Variants in MTMR10 observed in about 807,000 individuals in gnomAD.
MTMR10 encodes myotubularin-related protein 10.
In MTMR10, 56 loss-of-function variants were observed where a neutral mutation model predicts 88.1. That is an observed-to-expected ratio of 0.64 (90% confidence interval 0.51 to 0.79). The LOEUF (loss-of-function observed/expected upper bound fraction) is 0.79. MTMR10 is among the 30% of genes least tolerant of loss of function. The probability of loss-of-function intolerance (pLI) is 0.00; values close to 1 mark genes in which losing one functional copy is unlikely to be tolerated. For synonymous variants in MTMR10, 380 were observed against 340.9 expected, an observed-to-expected ratio of 1.11 and a Z score of -1.26; for missense variants, 883 against 924.7, an observed-to-expected ratio of 0.95 and a Z score of 0.58.
chr15:30,930,446 A>C, the MTMR10 span: 1 of 1,423,760 alleles, frequency 7.0e-7, no homozygotes, highest in Non-Finnish European at 9.4e-7. Flanking sequence ...ACTGAATTAC[A>C]TATACACTGA....
At chr15:30,945,875 G>A (rs925886704) in intron 14 of MTMR10, among the ~76,000 whole-genome samples, 3 of 152,156 alleles carry the variant, frequency 2.0e-5, no homozygotes, top group Non-Finnish European at 4.4e-5. Flanking sequence ...TGCAATCTCT[G>A]CCTCCTGGGC....
the MTMR10 span, among the ~76,000 whole-genome samples, chr15:30,933,836 C>T: frequency 2.0e-5 from 3 of 152,138 alleles, no homozygotes; most frequent in South Asian, 6.2e-4. Flanking sequence ...TCCTGGATCG[C>T]TGCAGCCTTG....
At chr15:30,945,898 C>A (rs949795197) in intron 14 of MTMR10, among the ~76,000 whole-genome samples, 3 of 152,196 alleles carry the variant, frequency 2.0e-5, no homozygotes, top group Admixed American at 6.5e-5. Context: ...AAGCCATCCT[C>A]CCACCTCAGC....
the MTMR10 span, chr15:30,927,688 T>A: frequency 2.0e-6 from 2 of 985,558 alleles, no homozygotes; most frequent in Non-Finnish European, 2.4e-6. Context: ...GGTCAGCACC[T>A]CCTCTGGCCA....
chr15:30,974,260 A>C, intron 5 of MTMR10, 54 bp downstream of exon 5: 1 of 1,344,768 alleles, frequency 7.4e-7, no homozygotes, highest in Non-Finnish European at 9.7e-7. Context: ...TACGGAATTG[A>C]AATCAGTAAA....
At chr15:30,928,619 T>C in the MTMR10 span, 5 of 1,613,484 alleles carry the variant, frequency 3.1e-6, no homozygotes, top group Admixed American at 6.7e-5. Flanking sequence ...ATCATCTTCA[T>C]GGATGGGATT....
At chr15:30,933,777 T>A in the MTMR10 span, among the ~76,000 whole-genome samples, 8 of 151,998 alleles carry the variant, frequency 5.3e-5, no homozygotes, top group African/African-American at 1.9e-4. Context: ...TTTTGTTTTT[T>A]GAGACAGACT....
At chr15:30,963,130 A>G (rs1356780881) in intron 6 of MTMR10, among the ~76,000 whole-genome samples, 1 of 152,212 alleles carries the variant, frequency 6.6e-6, no homozygotes, top group Admixed American at 6.5e-5. Context: ...TGAAAATTAA[A>G]TAAAATTAAA....
In MTMR10 at chr15:30,940,734, T is replaced by C; in HGVS notation, c.*736A>G. 1.0e-6 allele frequency: 1 copy of C among 989,832 alleles called. No individual in the cohort carries two copies. Among genetic ancestry groups the C allele is most frequent in the Non-Finnish European group, 1.2e-6 (1 of 832,808 alleles). 61.3% of individuals were successfully genotyped at this position (989,832 alleles called of 1,614,324 possible). The stretch of plus-strand genomic sequence containing the variant: ...ATGAAGCTTAGTATGAAAAGCCTAT[T>C]TCAAATATGCAATGGGATTTTCCCA... On this transcript the variant is annotated 3_prime_UTR_variant, in exon 16 of 16. Coordinates refer to ENST00000435680, the MANE Select transcript of MTMR10 (RefSeq NM_017762.3).
At chr15:30,922,155 C>A in the MTMR10 span, 2 of 1,502,064 alleles carry the variant, frequency 1.3e-6, no homozygotes, top group Non-Finnish European at 9.0e-7. Flanking sequence ...TAGGCTTTAC[C>A]AATCCTATGG....
At chr15:30,926,163 A>T in the MTMR10 span, among the ~76,000 whole-genome samples, 1 of 152,212 alleles carries the variant, frequency 6.6e-6, no homozygotes, top group Non-Finnish European at 1.5e-5. Context: ...TTTCTTTTAT[A>T]AAAACTTATA....
Position 30,990,838 on chromosome 15 carries a change from C to G in MTMR10, c.61-1G>C. Reference sequence around the variant, plus strand: ...GTTCCGAATTGATCTTATCGTCAGTCTGAAATACATTAGCAAAATAAATCA... The same window carrying G: ...GTTCCGAATTGATCTTATCGTCAGTGTGAAATACATTAGCAAAATAAATCA... On this transcript the variant is annotated splice_acceptor_variant, in intron 1 of 15. Transcript: ENST00000435680. LOFTEE classifies it high-confidence loss of function. 6.3e-7 allele frequency: 1 copy of G among 1,599,652 alleles called. No individual in the cohort carries two copies. The highest frequency in any genetic ancestry group is 8.5e-7 in the Non-Finnish European group (1 of 1,172,394).
chr15:30,990,914 C>G lies in MTMR10; in HGVS notation c.61-77G>C, dbSNP rs550829862. Reference sequence around the variant, plus strand: ...AAAATGCTACAGCAAATGTTGTTTTCTAAGTGATGACACATGCGAAAGACA... The same window carrying G: ...AAAATGCTACAGCAAATGTTGTTTTGTAAGTGATGACACATGCGAAAGACA... On this transcript the variant is annotated intron_variant, in intron 1 of 15. Transcript: ENST00000435680. 12 of 1,270,698 alleles carry G rather than the reference C, an allele frequency of 9.4e-6. No individual in the cohort carries two copies. The African/African-American group carries it at 1.5e-4, about 16-fold the overall frequency. The allele number at this position is 1,270,698 out of a possible 1,614,324, so 78.7% of individuals were successfully genotyped here.
chr15:30,933,011 C>T, the MTMR10 span, among the ~76,000 whole-genome samples: 62,782 of 151,758 alleles, frequency 0.41, 14,309 homozygotes, highest in East Asian at 0.85. Context: ...TGAGCCACCG[C>T]ACACGGCCAT....
chr15:30,973,615 C>G (rs1019229670), intron 5 of MTMR10, among the ~76,000 whole-genome samples: 2 of 152,104 alleles, frequency 1.3e-5, no homozygotes, highest in Non-Finnish European at 2.9e-5. Flanking sequence ...CCCATACACA[C>G]GCGCAAGCTT....
At chr15:30,976,482 T>C (rs2030159972) in intron 3 of MTMR10, among the ~76,000 whole-genome samples, 1 of 152,228 alleles carries the variant, frequency 6.6e-6, no homozygotes, top group East Asian at 1.9e-4. Context: ...ATTTATAAAA[T>C]CATTTAGCAA....
intron 6 of MTMR10, among the ~76,000 whole-genome samples, chr15:30,961,574 GCT>G (rs1191247483): frequency 1.3e-5 from 2 of 152,118 alleles, no homozygotes; most frequent in African/African-American, 4.8e-5. Context: ...TCCTTATCCA[GCT>G]CTTTCACAAC....
chr15:30,956,808 A>G (rs2063333854), intron 9 of MTMR10, among the ~76,000 whole-genome samples: 1 of 151,512 alleles, frequency 6.6e-6, no homozygotes, highest in Non-Finnish European at 1.5e-5. Flanking sequence ...CTCTCACCCA[A>G]CAATGCTACA....
At chr15:30,956,666 C>T (rs1327457761) in intron 9 of MTMR10, among the ~76,000 whole-genome samples, 5 of 152,000 alleles carry the variant, frequency 3.3e-5, no homozygotes, top group South Asian at 2.1e-4. Context: ...GGTTAGGAGA[C>T]GAGGTTGGAC....
Sources: allele counts gnomAD v4.1 joint callset (sites outside exome capture counted in the v4.1 genomes callset), GRCh38; gene constraint gnomAD v4.1.1; transcripts MANE v1.5; gene names NCBI Gene and HGNC (gene_info 2026-07-23, HGNC 2026-07-21).